PPIL1: variants seen among roughly 807,000 people sequenced by gnomAD.
The protein encoded by PPIL1 is peptidylprolyl isomerase like 1.
In PPIL1, 14 loss-of-function variants were observed where a neutral mutation model predicts 19.4. The observed-to-expected ratio is 0.72, with a 90% CI of 0.48 to 1.13. The LOEUF (loss-of-function observed/expected upper bound fraction) is 1.13. PPIL1 is among the 50% of genes most tolerant of loss of function. The pLI is 0.00. For missense variants in PPIL1, 192 were observed against 218.0 expected, an observed-to-expected ratio of 0.88 and a Z score of 0.75; for synonymous variants, 72 against 73.6, an observed-to-expected ratio of 0.98 and a Z score of 0.11.
intron 1 of PPIL1, among the ~76,000 whole-genome samples, chr6:36,874,153 T>C (rs1774582191): frequency 6.6e-6 from 1 of 152,212 alleles, no homozygotes; most frequent in Non-Finnish European, 1.5e-5. Flanking sequence ...GAAAGTTAAA[T>C]AATACCTTCA....
At chr6:36,860,368 G>A (rs964173026) in intron 2 of PPIL1, among the ~76,000 whole-genome samples, 14 of 152,066 alleles carry the variant, frequency 9.2e-5, no homozygotes, top group Admixed American at 2.6e-4. Context: ...TGGCTGAGGT[G>A]AGAGGATCAC....
chr6:36,869,748 G>A (rs1774470174), intron 2 of PPIL1, among the ~76,000 whole-genome samples: 1 of 152,150 alleles, frequency 6.6e-6, no homozygotes, highest in Admixed American at 6.5e-5. Flanking sequence ...CAAAAATTAA[G>A]GTCGGGGAAA....
intron 3 of PPIL1, 23 bp from the exon 4 acceptor site, chr6:36,856,056 G>C (rs1046508565): frequency 1.2e-6 from 2 of 1,607,458 alleles, no homozygotes; most frequent in East Asian, 2.2e-5. Context: ...AGGAAGAAAG[G>C]AAAGAGTATA....
At position 36,862,084 on chromosome 6, in the gene PPIL1, G is replaced by A. The variant is rs147474781; in HGVS notation, c.212-5430C>T. Among the ~76,000 whole-genome samples the A allele has an allele frequency of 4.8e-3, 728 of 152,270 alleles. 6 individuals carry two copies. The highest frequency in any genetic ancestry group is 0.016 in the African/African-American group (650 of 41,540). ...TCCCTTCCTCCTCCTCTTAGTCACT[G>A]TGGAAACCTGTCAAAATGATGTCTA... On this transcript the variant is annotated intron_variant, in intron 2 of 3. Coordinates refer to ENST00000373699, the MANE Select transcript of PPIL1 (RefSeq NM_016059.5).
intron 1 of PPIL1, among the ~76,000 whole-genome samples, chr6:36,872,795 A>G (rs1774543338): frequency 6.6e-6 from 1 of 152,124 alleles, no homozygotes; most frequent in Admixed American, 6.6e-5. Flanking sequence ...TTTTTTGTAG[A>G]GATGGGGTTT....
chr6:36,860,207 C>G (rs1774254510), intron 2 of PPIL1, among the ~76,000 whole-genome samples: 1 of 151,886 alleles, frequency 6.6e-6, no homozygotes, highest in Admixed American at 6.6e-5. Flanking sequence ...TGGCTCACAC[C>G]TATAATCCCA....
At chr6:36,857,467 C>A (rs535270453) in intron 2 of PPIL1, among the ~76,000 whole-genome samples, 1 of 151,524 alleles carries the variant, frequency 6.6e-6, no homozygotes, top group Non-Finnish European at 1.5e-5. Context: ...GGCCACAGAG[C>A]GAGACCCTGA....
intron 2 of PPIL1, among the ~76,000 whole-genome samples, chr6:36,860,328 T>C (rs1402441754): frequency 6.6e-6 from 1 of 151,976 alleles, no homozygotes; most frequent in Non-Finnish European, 1.5e-5. Flanking sequence ...TGGTTGTGCG[T>C]GCCTGCAGTC....
intron 2 of PPIL1, among the ~76,000 whole-genome samples, chr6:36,871,085 C>T (rs573400890): frequency 6.6e-6 from 1 of 152,274 alleles, no homozygotes; most frequent in South Asian, 2.1e-4. Flanking sequence ...GCCTCAGGGC[C>T]TCTGTGTTTG....
At chr6:36,859,495 A>C (rs1447984277) in intron 2 of PPIL1, among the ~76,000 whole-genome samples, 1 of 151,442 alleles carries the variant, frequency 6.6e-6, no homozygotes. Flanking sequence ...AAGAGCATGG[A>C]GATCACCTTT....
At chr6:36,873,994 C>T (rs571441449) in intron 1 of PPIL1, among the ~76,000 whole-genome samples, 16 of 152,282 alleles carry the variant, frequency 1.1e-4, no homozygotes, top group African/African-American at 2.6e-4. Flanking sequence ...TCCAAAGAGG[C>T]AATGGAATGA....
intron 2 of PPIL1, among the ~76,000 whole-genome samples, chr6:36,867,359 TAAGAA>T (rs1465435353): frequency 6.6e-6 from 1 of 151,946 alleles, no homozygotes; most frequent in Non-Finnish European, 1.5e-5. Context: ...ATCAACCAAA[TAAGAA>T]AAGGGAACCA....
At position 36,874,793 on chromosome 6, in the gene PPIL1, G is replaced by A. The variant is rs896535498; in HGVS notation, c.-21C>T. The A allele has an allele frequency of 3.1e-6, 5 of 1,613,552 alleles. No homozygotes were observed. The Admixed American group carries it at 6.7e-5, about 22-fold the overall frequency. ...GCCATAGCGAAGCCGGCGGCGGAAT[G>A]CTTGTCTAGTAATTGCTACTTCCGG... On this transcript the variant is annotated 5_prime_UTR_variant, in exon 1 of 4. Coordinates refer to ENST00000373699, the MANE Select transcript of PPIL1 (RefSeq NM_016059.5).
At chr6:36,869,230 C>T (rs993526154) in intron 2 of PPIL1, among the ~76,000 whole-genome samples, 4 of 152,166 alleles carry the variant, frequency 2.6e-5, no homozygotes, top group Non-Finnish European at 4.4e-5. Context: ...GTGACCCTCC[C>T]GCCTCAGCCT....
chr6:36,874,792 T>G lies in PPIL1; in HGVS notation c.-20A>C, dbSNP rs758495497. The stretch of plus-strand genomic sequence containing the variant: ...CGCCATAGCGAAGCCGGCGGCGGAA[T>G]GCTTGTCTAGTAATTGCTACTTCCG... On this transcript the variant is annotated 5_prime_UTR_variant, in exon 1 of 4. Transcript: ENST00000373699. 9.9e-6 allele frequency: 16 copies of G among 1,613,556 alleles called. No homozygotes were observed. The highest frequency in any genetic ancestry group is 1.7e-6 in the Non-Finnish European group (2 of 1,179,768).
At chr6:36,857,281 T>A (rs183438143) in intron 2 of PPIL1, among the ~76,000 whole-genome samples, 1 of 152,254 alleles carries the variant, frequency 6.6e-6, no homozygotes, top group Admixed American at 6.5e-5. Flanking sequence ...GAAGGAGAAA[T>A]AGCTGGTAAG....
At chr6:36,859,978 G>A (rs73418143) in intron 2 of PPIL1, among the ~76,000 whole-genome samples, 20,892 of 151,826 alleles carry the variant, frequency 0.14, 1,664 homozygotes, top group East Asian at 0.27. Flanking sequence ...ACAGGCGCCC[G>A]CCACCATGCC....
Position 36,856,670 on chromosome 6 carries a change from A to G in PPIL1, c.212-16T>C, listed in dbSNP as rs749827618. The G allele has an allele frequency of 1.1e-5, 17 of 1,611,802 alleles. No homozygotes were observed. Among genetic ancestry groups the G allele is most frequent in the Non-Finnish European group, 1.4e-5 (16 of 1,177,836 alleles). ...CCACCTCGACCTGCCCGATTGGAAG[A>G]TGACACATGAATCAGCCAGTCACAC... On this transcript the variant is annotated splice_polypyrimidine_tract_variant and intron_variant, in intron 2 of 3. Transcript: ENST00000373699.
At chr6:36,874,661 G>A in intron 1 of PPIL1, 56 bp downstream of exon 1, 1 of 1,594,842 alleles carries the variant, frequency 6.3e-7, no homozygotes, top group Non-Finnish European at 8.6e-7. Context: ...CAGACCCGTG[G>A]TGAGGCCCGG....
Sources: allele counts gnomAD v4.1 joint callset (sites outside exome capture counted in the v4.1 genomes callset), GRCh38; gene constraint gnomAD v4.1.1; transcripts MANE v1.5; gene names NCBI Gene and HGNC (gene_info 2026-07-23, HGNC 2026-07-21).